NELL1: variants seen among roughly 807,000 people sequenced by gnomAD.
The protein encoded by NELL1 is neural EGFL like 1, also known as protein kinase C-binding protein NELL1.
A neutral mutation model predicts 107.4 loss-of-function variants in NELL1; 76 were observed. The observed-to-expected ratio is 0.71, with a 90% CI of 0.59 to 0.86. The LOEUF is 0.86. NELL1 is among the 40% of genes least tolerant of loss of function. NELL1 has a pLI of 0.00. For synonymous variants in NELL1, 353 were observed against 341.2 expected (o/e 1.03, Z -0.38); for missense variants, 1,024 against 1,005.5 (o/e 1.02, Z -0.25).
chr11:21,304,219 C>A (rs981937220), intron 14 of NELL1, among the ~76,000 whole-genome samples: 2 of 152,008 alleles, frequency 1.3e-5, no homozygotes, highest in African/African-American at 4.8e-5. Context: ...AACCACCATG[C>A]CATTTAACAT....
At chr11:21,217,247 C>A (rs1337879820) in intron 13 of NELL1, among the ~76,000 whole-genome samples, 1 of 152,174 alleles carries the variant, frequency 6.6e-6, no homozygotes, top group Non-Finnish European at 1.5e-5. Context: ...AATAAAACTA[C>A]TTTACTTTAT....
intron 5 of NELL1, among the ~76,000 whole-genome samples, chr11:20,901,556 A>G (rs921842970): frequency 2.1e-4 from 14 of 68,242 alleles, no homozygotes; most frequent in African/African-American, 6.7e-4. Flanking sequence ...TCAGTTCCCA[A>G]GAGGATTTTT....
intron 15 of NELL1, among the ~76,000 whole-genome samples, chr11:21,427,786 A>T (rs966050548): frequency 2.0e-5 from 3 of 152,192 alleles, no homozygotes; most frequent in South Asian, 4.1e-4. Context: ...GAAACCCAAG[A>T]AGTAAAATAG....
At chr11:21,258,045 A>G (rs1028596431) in intron 14 of NELL1, among the ~76,000 whole-genome samples, 1 of 152,034 alleles carries the variant, frequency 6.6e-6, no homozygotes, top group African/African-American at 2.4e-5. Flanking sequence ...GTGCTCAACT[A>G]CAGGAGACGC....
intron 15 of NELL1, among the ~76,000 whole-genome samples, chr11:21,371,179 G>A (rs1024771503): frequency 3.2e-4 from 48 of 152,064 alleles, no homozygotes; most frequent in Non-Finnish European, 1.3e-4. Context: ...GCAAGGTCAA[G>A]TATTTTCTCT....
At chr11:20,708,551 C>T (rs1034580662) in intron 2 of NELL1, among the ~76,000 whole-genome samples, 2 of 151,976 alleles carry the variant, frequency 1.3e-5, no homozygotes, top group African/African-American at 4.8e-5. Context: ...ATGTCCTTTG[C>T]TTACTTTTTG....
At chr11:21,473,809 G>C (rs1362339752) in intron 15 of NELL1, among the ~76,000 whole-genome samples, 1 of 152,014 alleles carries the variant, frequency 6.6e-6, no homozygotes, top group East Asian at 1.9e-4. Context: ...TCACACCAGG[G>C]AATTGCATAA....
intron 14 of NELL1, among the ~76,000 whole-genome samples, chr11:21,252,399 A>G (rs1273380526): frequency 6.6e-6 from 1 of 152,148 alleles, no homozygotes; most frequent in African/African-American, 2.4e-5. Context: ...GAGCTAGATC[A>G]GGGATCCAGA....
At chr11:21,295,028 A>G (rs900049694) in intron 14 of NELL1, among the ~76,000 whole-genome samples, 2 of 152,120 alleles carry the variant, frequency 1.3e-5, no homozygotes, top group Admixed American at 6.6e-5. Flanking sequence ...CTGTTATTCC[A>G]CAGCTATCTC....
chr11:21,270,252 G>A (rs1848714313), intron 14 of NELL1, among the ~76,000 whole-genome samples: 1 of 151,952 alleles, frequency 6.6e-6, no homozygotes, highest in African/African-American at 2.4e-5. Flanking sequence ...GAATATCAGA[G>A]TGGATCAAAA....
At chr11:21,172,102 TA>T (rs59502432) in intron 13 of NELL1, among the ~76,000 whole-genome samples, 53,153 of 151,492 alleles carry the variant, frequency 0.35, 9,771 homozygotes, top group Middle Eastern at 0.4. Flanking sequence ...AAGGGCGTTT[TA>T]AAAACTGCAC....
intron 14 of NELL1, among the ~76,000 whole-genome samples, chr11:21,270,462 T>C (rs1181106688): frequency 1.3e-5 from 2 of 151,916 alleles, no homozygotes; most frequent in African/African-American, 4.8e-5. Flanking sequence ...TTTAAAAGGG[T>C]TAATTCTCCA....
At chr11:20,894,869 T>C (rs879668279) in intron 5 of NELL1, among the ~76,000 whole-genome samples, 1 of 152,226 alleles carries the variant, frequency 6.6e-6, no homozygotes, top group Non-Finnish European at 1.5e-5. Flanking sequence ...AATGTTGTTA[T>C]ATGTATATAA....
intron 3 of NELL1, among the ~76,000 whole-genome samples, chr11:20,835,093 T>C (rs779107156): frequency 2.0e-5 from 3 of 152,188 alleles, no homozygotes; most frequent in African/African-American, 4.8e-5. Context: ...TCCATGTTTT[T>C]ACATTTTCCC....
At chr11:21,213,277 A>G (rs1461975862) in intron 13 of NELL1, among the ~76,000 whole-genome samples, 7 of 152,162 alleles carry the variant, frequency 4.6e-5, no homozygotes, top group South Asian at 2.1e-4. Flanking sequence ...AGATGACTCA[A>G]TATAGTAAAG....
At chr11:20,916,899 C>T (rs1850270401) in intron 5 of NELL1, among the ~76,000 whole-genome samples, 2 of 151,878 alleles carry the variant, frequency 1.3e-5, no homozygotes, top group Non-Finnish European at 2.9e-5. Flanking sequence ...GCAACTGGGG[C>T]TCATAGAAGG....
intron 13 of NELL1, among the ~76,000 whole-genome samples, chr11:21,141,910 C>T (rs79310341): frequency 6.6e-6 from 1 of 152,124 alleles, no homozygotes; most frequent in East Asian, 1.9e-4. Context: ...ATTACAGGTG[C>T]CTGCCACCAT....
intron 1 of NELL1, among the ~76,000 whole-genome samples, chr11:20,677,507 A>T (rs1854087858): frequency 6.6e-6 from 1 of 152,168 alleles, no homozygotes; most frequent in Admixed American, 6.5e-5. Context: ...CAACCTATTT[A>T]TAATCTTTAT....
rs1264656705 is a variant in NELL1 at position 20,669,900 on chromosome 11, G to A, written c.55+122G>A. On this transcript the variant is annotated intron_variant, in intron 1 of 19. Transcript: ENST00000357134. This position sits in a 1 kb window ranked among gnomAD's most constrained non-coding sequence, Gnocchi z 4.4. ...CTGGGGAACGGCGGTAGCGTGGACC[G>A]GTTCCTGGGATCTCTTTGCCCTGCT... The A allele has an allele frequency of 6.3e-6, 5 of 791,638 alleles. No homozygotes were observed. Among genetic ancestry groups the A allele is most frequent in the Non-Finnish European group, 8.8e-6 (4 of 456,418 alleles). The allele number at this position is 791,638 out of a possible 1,614,324, so 49.0% of individuals were successfully genotyped here.
Sources: gnomAD v4.1 joint callset for allele counts (sites outside exome capture counted in the v4.1 genomes callset) on GRCh38, gnomAD v4.1.1 for gene constraint, Gnocchi (gnomAD v3.1) non-coding constraint, MANE v1.5 for transcripts, NCBI Gene and HGNC (gene_info 2026-07-23, HGNC 2026-07-21) for gene names.